The following DYNC2I1 variants were observed in gnomAD, a reference collection of about 807,000 sequenced individuals.
DYNC2I1 encodes dynein 2 intermediate chain 1, also known as cytoplasmic dynein 2 intermediate chain 1.
In DYNC2I1, 89 loss-of-function variants were observed where a neutral mutation model predicts 133.4. The observed-to-expected ratio is 0.67, with a 90% CI of 0.56 to 0.80. The LOEUF is 0.80. Among genes scored for constraint, DYNC2I1 ranks in the 30% least tolerant of loss-of-function variants. The pLI, the probability that DYNC2I1 is intolerant of heterozygous loss-of-function variation, is 0.00. For missense variants in DYNC2I1, 1,291 were observed against 1,314.5 expected (o/e 0.98, Z 0.28); for synonymous variants, 504 against 484.3 (o/e 1.04, Z -0.54).
intron 1 of DYNC2I1, among the ~76,000 whole-genome samples, chr7:158,864,588 C>T (rs948046220): frequency 1.3e-5 from 2 of 152,150 alleles, no homozygotes; most frequent in African/African-American, 4.8e-5. Context: ...CAGCTCACTG[C>T]AGCCTCGACC....
Position 158,911,633 on chromosome 7 carries a change from A to AAT in DYNC2I1, c.1547_1548dup (p.Asp517MetfsTer34). 1 of 1,613,686 alleles carries AAT rather than the reference A, an allele frequency of 6.2e-7. No individual in the cohort carries two copies. Among genetic ancestry groups the AAT allele is most frequent in the East Asian group, 2.2e-5 (1 of 44,866 alleles). On this transcript the variant is annotated frameshift_variant, in exon 12 of 25. Coordinates refer to ENST00000407559, the MANE Select transcript of DYNC2I1 (RefSeq NM_018051.5). LOFTEE classifies it high-confidence loss of function. ...CTCTTGGATCTACCACCAGTAAATG[A>AAT]ATATGACATGTATATCAGAAACTTT...
chr7:158,854,664 G>A (rs567754653), upstream of DYNC2I1, among the ~76,000 whole-genome samples: 1 of 152,158 alleles, frequency 6.6e-6, no homozygotes, highest in Non-Finnish European at 1.5e-5. Flanking sequence ...AGAGAAGGGG[G>A]TTTGTTTTGG....
At chr7:158,928,589 G>A (rs117292477) in intron 20 of DYNC2I1, among the ~76,000 whole-genome samples, 21 of 152,276 alleles carry the variant, frequency 1.4e-4, no homozygotes, top group Non-Finnish European at 2.6e-4. Flanking sequence ...GAGTCACCAT[G>A]TTTCTCAATG....
chr7:158,860,855 C>T (rs1009347472), intron 1 of DYNC2I1, among the ~76,000 whole-genome samples: 2 of 152,122 alleles, frequency 1.3e-5, no homozygotes, highest in African/African-American at 2.4e-5. Context: ...AGTGCAATGC[C>T]GTTTCATTCT....
rs1851333828 is a variant in DYNC2I1, at chr7:158,941,265, A to G, written c.2779-660A>G. The stretch of plus-strand genomic sequence containing the variant: ...TTCAATCCAAGAGAAGTATATAACC[A>G]TATTATTGACACAAATGTATGTAGT... On this transcript the variant is annotated intron_variant, in intron 23 of 24. Transcript: ENST00000407559. 2.6e-5 allele frequency among the ~76,000 whole-genome samples: 4 copies of G among 152,352 alleles called. No homozygotes were observed. In the South Asian group the frequency reaches 6.2e-4, roughly 24 times the overall value.
chr7:158,940,043 G>A (rs1276605935), intron 23 of DYNC2I1, among the ~76,000 whole-genome samples: 1 of 152,108 alleles, frequency 6.6e-6, no homozygotes, highest in African/African-American at 2.4e-5. Context: ...TGCAATAATA[G>A]TAGGGTACTT....
At chr7:158,940,875 A>T (rs1851279686) in intron 23 of DYNC2I1, among the ~76,000 whole-genome samples, 1 of 152,218 alleles carries the variant, frequency 6.6e-6, no homozygotes, top group Admixed American at 6.5e-5. Context: ...CTACATCTAA[A>T]AAAGTAGAAA....
At chr7:158,928,379 C>CA (rs1002934971) in intron 20 of DYNC2I1, among the ~76,000 whole-genome samples, 2 of 151,630 alleles carry the variant, frequency 1.3e-5, no homozygotes, top group African/African-American at 4.9e-5. Context: ...GTAGATCTGG[C>CA]AAAAAATAAT....
At chr7:158,927,144 G>T in intron 20 of DYNC2I1, 101 bp downstream of exon 20, 1 of 796,092 alleles carries the variant, frequency 1.3e-6, no homozygotes, top group Non-Finnish European at 2.0e-6. Context: ...ACACCTGCTG[G>T]GAGCCTCAGC....
At chr7:158,948,814 A>T (rs1232727711), downstream of DYNC2I1, among the ~76,000 whole-genome samples, 1 of 152,170 alleles carries the variant, frequency 6.6e-6, no homozygotes, top group Non-Finnish European at 1.5e-5. Context: ...TAGATGTTCA[A>T]GGTCCCAGGT....
chr7:158,895,951 T>C (rs1845719145), intron 8 of DYNC2I1, among the ~76,000 whole-genome samples: 1 of 152,244 alleles, frequency 6.6e-6, no homozygotes, highest in African/African-American at 2.4e-5. Context: ...GGAAAGCGAC[T>C]GACTTTTGTA....
Position 158,902,448 on chromosome 7 carries a change from A to G in DYNC2I1, c.1210A>G (p.Lys404Glu). The change falls in exon 10 of 25, where the codon AAA (lysine) becomes GAA (glutamate). Residue 404 changes from lysine (K) to glutamate (E), a missense_variant. Physicochemically the swap from Lys to Glu is moderately conservative, Grantham distance 56. Transcript: ENST00000407559. ...CAGTAATGAACCTGAGTCAAGAGAA[A>G]AACTGGAAGAACTTCCTCTAGCTCA... ...ESSNEPESRE[K>E]LEELPLAQKK... 2 of 1,613,974 alleles carry G rather than the reference A, an allele frequency of 1.2e-6. No individual in the cohort carries two copies. The highest frequency in any genetic ancestry group is 3.3e-5 in the Admixed American group (2 of 60,030).
chr7:158,860,565 T>G (rs185322219), intron 1 of DYNC2I1, among the ~76,000 whole-genome samples: 157 of 152,330 alleles, frequency 1.0e-3, no homozygotes, highest in African/African-American at 3.7e-3. Context: ...GGTGACAATT[T>G]TCTTTAATAT....
chr7:158,869,426 C>G (rs1447186051), intron 1 of DYNC2I1: 3 of 471,296 alleles, frequency 6.4e-6, no homozygotes, highest in African/African-American at 2.0e-5. Flanking sequence ...TACCTTCTGT[C>G]CTGGGTTGAG....
At chr7:158,857,758 G>A (rs1841431214) in intron 1 of DYNC2I1, among the ~76,000 whole-genome samples, 1 of 143,500 alleles carries the variant, frequency 7.0e-6, no homozygotes, top group Admixed American at 6.9e-5. Flanking sequence ...GGATGGTCTT[G>A]ATCTCCTGAC....
At position 158,923,615 on chromosome 7, in the gene DYNC2I1, T is replaced by C. The variant is rs1044627134; in HGVS notation, c.2139T>C (p.Phe713=). 2.5e-6 allele frequency: 4 copies of C among 1,613,934 alleles called. No individual in the cohort carries two copies. In the African/African-American group the frequency reaches 5.3e-5, roughly 22 times the overall value. Residue 713 remains phenylalanine, a synonymous_variant, in exon 17 of 25, where the codon TTT becomes TTC. Coordinates refer to ENST00000407559, the MANE Select transcript of DYNC2I1 (RefSeq NM_018051.5). ...GCCCTTTGAAAGCATTTTTACTGTT[T>C]GCCGGAACAGCGCACGGCTCAGTTG... ...CLSPLKAFLL[F]AGTAHGSVVV... is the part of the protein sequence containing the mutation.
intron 11 of DYNC2I1, among the ~76,000 whole-genome samples, chr7:158,909,630 A>G (rs1039901211): frequency 6.6e-6 from 1 of 152,196 alleles, no homozygotes; most frequent in African/African-American, 2.4e-5. Flanking sequence ...AAAACAACAA[A>G]AACACTCCAG....
At chr7:158,844,832 G>C in the DYNC2I1 span, among the ~76,000 whole-genome samples, 1 of 152,124 alleles carries the variant, frequency 6.6e-6, no homozygotes, top group African/African-American at 2.4e-5. Flanking sequence ...TGTTGGTCAG[G>C]CTGGTCTCGA....
In DYNC2I1 at chr7:158,884,455, G is replaced by A. The variant is rs1263640541; in HGVS notation, c.880-109G>A. The A allele has an allele frequency of 1.1e-5, 10 of 897,300 alleles. No individual in the cohort carries two copies. In the African/African-American group the frequency reaches 1.7e-4, roughly 15 times the overall value. The allele number at this position is 897,300 out of a possible 1,614,324, so 55.6% of individuals were successfully genotyped here. A position where few individuals can be genotyped will look rare whatever the true frequency, so the allele number is the denominator to read the frequency against. On this transcript the variant is annotated intron_variant, in intron 5 of 24. Coordinates refer to ENST00000407559, the MANE Select transcript of DYNC2I1 (RefSeq NM_018051.5). ...TTTAAAAGGTACTTGTGATGTACAT[G>A]CTGTTGTTAAATTTTGAATCTGTGC... is the stretch of plus-strand genomic sequence containing the variant.
Sources: allele counts gnomAD v4.1 joint callset (sites outside exome capture counted in the v4.1 genomes callset), GRCh38; gene constraint gnomAD v4.1.1; transcripts MANE v1.5; gene names NCBI Gene and HGNC (gene_info 2026-07-23, HGNC 2026-07-21).